Variants in UNC5D observed in about 807,000 individuals in gnomAD.
UNC5D encodes netrin receptor UNC5D.
In UNC5D, 39 loss-of-function variants were observed where a neutral mutation model predicts 105.4. The ratio of observed to expected loss-of-function variants is 0.37; its 90% CI spans 0.29 to 0.48. The LOEUF (loss-of-function observed/expected upper bound fraction) is 0.48. Ranked by LOEUF, UNC5D falls within the 20% of genes least tolerant of loss-of-function variation. The probability of loss-of-function intolerance (pLI) is 0.98; values close to 1 mark genes in which losing one functional copy is unlikely to be tolerated. For synonymous variants in UNC5D, 452 were observed against 450.4 expected (o/e 1.00, Z -0.04); for missense variants, 991 against 1,202.4 (o/e 0.82, Z 2.60).
intron 10 of UNC5D, chr8:35,727,348 G>T (rs1828930454): frequency 6.6e-6 from 1 of 152,238 alleles, no homozygotes; most frequent in Non-Finnish European, 1.5e-5. Flanking sequence ...AAGAGTATCT[G>T]TTGGATCTGT....
chr8:35,462,601 A>G (rs1808982823), intron 1 of UNC5D, among the ~76,000 whole-genome samples: 1 of 152,114 alleles, frequency 6.6e-6, no homozygotes, highest in African/African-American at 2.4e-5. Flanking sequence ...CTCTAACAAT[A>G]ATAATATTAT....
chr8:35,529,967 T>G (rs1176817986), intron 1 of UNC5D, among the ~76,000 whole-genome samples: 83 of 147,828 alleles, frequency 5.6e-4, no homozygotes, highest in African/African-American at 1.6e-3. Flanking sequence ...GGGTTTTCTA[T>G]ATATACAATC....
chr8:35,355,130 T>C (rs558448169), intron 1 of UNC5D, among the ~76,000 whole-genome samples: 4 of 152,264 alleles, frequency 2.6e-5, no homozygotes, highest in African/African-American at 9.6e-5. Flanking sequence ...AGATTCGTTG[T>C]GGCAGGGCAC....
At chr8:35,721,148 T>C (rs1828560611) in intron 8 of UNC5D, among the ~76,000 whole-genome samples, 1 of 152,180 alleles carries the variant, frequency 6.6e-6, no homozygotes, top group South Asian at 2.1e-4. Context: ...GTAATTACTG[T>C]TGGACCCATT....
chr8:35,243,211 G>A lies in UNC5D; in HGVS notation c.103+7324G>A, dbSNP rs1040267831. On this transcript the variant is annotated intron_variant, in intron 1 of 16. Transcript: ENST00000404895. ...TGTTTTTTCTTTTGCAAGCCAGTAT[G>A]AAGTGGAATTCCATGTAAGAATATT... is the stretch of plus-strand genomic sequence containing the variant. 6.6e-5 allele frequency among the ~76,000 whole-genome samples: 10 copies of A among 152,114 alleles called. No individual in the cohort carries two copies. In the East Asian group the frequency reaches 1.9e-3, roughly 29 times the overall value.
chr8:35,537,448 G>A (rs1194736365), intron 1 of UNC5D, among the ~76,000 whole-genome samples: 1 of 152,124 alleles, frequency 6.6e-6, no homozygotes, highest in East Asian at 1.9e-4. Flanking sequence ...GGGAGGCCAA[G>A]GTGAGAGGAT....
At chr8:35,476,219 G>A (rs1810087715) in intron 1 of UNC5D, among the ~76,000 whole-genome samples, 1 of 152,102 alleles carries the variant, frequency 6.6e-6, no homozygotes, top group Admixed American at 6.6e-5. Flanking sequence ...TGACTCTACT[G>A]CAAACAAAAG....
At position 35,312,951 on chromosome 8, in the gene UNC5D, A is replaced by G. The variant is rs1809008824; in HGVS notation, c.103+77064A>G. The stretch of plus-strand genomic sequence containing the variant: ...CGGAGAATTAGCTGCATTAGGATGC[A>G]CTCACATGACCGTTTTGTATCAGAT... On this transcript the variant is annotated intron_variant, in intron 1 of 16. Coordinates refer to ENST00000404895, the MANE Select transcript of UNC5D (RefSeq NM_080872.4). 2.0e-5 allele frequency among the ~76,000 whole-genome samples: 3 copies of G among 152,182 alleles called. No individual in the cohort carries two copies. The South Asian group carries it at 6.2e-4, about 32-fold the overall frequency.
At chr8:35,338,899 C>G (rs10105890) in intron 1 of UNC5D, among the ~76,000 whole-genome samples, 12,957 of 152,170 alleles carry the variant, frequency 0.085, 943 homozygotes, top group African/African-American at 0.2. Context: ...TAATTCCACT[C>G]TAGGTTCCCT....
intron 1 of UNC5D, among the ~76,000 whole-genome samples, chr8:35,314,172 G>T (rs971162991): frequency 1.3e-5 from 2 of 152,130 alleles, no homozygotes; most frequent in South Asian, 2.1e-4. Context: ...AAAAGCAAGC[G>T]ATTCCAAACT....
At chr8:35,706,842 C>A (rs1051002160) in intron 8 of UNC5D, among the ~76,000 whole-genome samples, 1 of 152,072 alleles carries the variant, frequency 6.6e-6, no homozygotes, top group Non-Finnish European at 1.5e-5. Context: ...AATTTGAATT[C>A]CTGGTTGAGG....
At chr8:35,535,467 C>T (rs1423917909) in intron 1 of UNC5D, among the ~76,000 whole-genome samples, 2 of 150,298 alleles carry the variant, frequency 1.3e-5, no homozygotes, top group Non-Finnish European at 3.0e-5. Context: ...TTTTAAGCTC[C>T]GTAAGTCAAA....
chr8:35,378,298 T>C (rs1053758345), intron 1 of UNC5D, among the ~76,000 whole-genome samples: 2 of 152,328 alleles, frequency 1.3e-5, no homozygotes, highest in East Asian at 1.9e-4. Flanking sequence ...GATTCATTTT[T>C]TACTTAGTGT....
chr8:35,672,687 C>A (rs1422643428), intron 4 of UNC5D, among the ~76,000 whole-genome samples: 2 of 152,152 alleles, frequency 1.3e-5, no homozygotes, highest in Admixed American at 6.6e-5. Context: ...TATGTTTCTT[C>A]TGTTTAATGT....
rs530822988 is a variant in UNC5D at position 35,461,362 on chromosome 8, T to C, written c.104-87930T>C. 1.3e-3 allele frequency among the ~76,000 whole-genome samples: 204 copies of C among 152,294 alleles called. 1 individual carries two copies. Among genetic ancestry groups the C allele is most frequent in the African/African-American group, 4.8e-3 (200 of 41,580 alleles). ...ATTGCTTATGTTCGGAATCTCTTAC[T>C]TCTATGCTACACGCGTGTGAAAAAA... On this transcript the variant is annotated intron_variant, in intron 1 of 16. Transcript: ENST00000404895.
At chr8:35,328,290 C>T (rs1810330241) in intron 1 of UNC5D, among the ~76,000 whole-genome samples, 1 of 152,096 alleles carries the variant, frequency 6.6e-6, no homozygotes, top group African/African-American at 2.4e-5. Flanking sequence ...TTCAAAAACT[C>T]ACAGTTGGTA....
chr8:35,658,891 A>G (rs1823942147), intron 4 of UNC5D, among the ~76,000 whole-genome samples: 1 of 152,044 alleles, frequency 6.6e-6, no homozygotes, highest in Non-Finnish European at 1.5e-5. Context: ...TCCTGACCTC[A>G]TGATCCGCCG....
At chr8:35,525,074 C>G in intron 1 of UNC5D, 1 of 1,105,326 alleles carries the variant, frequency 9.0e-7, no homozygotes, top group Non-Finnish European at 1.3e-6. Context: ...TAAGAGCCAA[C>G]AGGACATATA....
At chr8:35,348,241 A>G (rs1444777192) in intron 1 of UNC5D, among the ~76,000 whole-genome samples, 1 of 151,858 alleles carries the variant, frequency 6.6e-6, no homozygotes, top group Non-Finnish European at 1.5e-5. Context: ...AAAAAATTAT[A>G]TATATATTAG....
Sources: gnomAD v4.1 joint callset for allele counts (sites outside exome capture counted in the v4.1 genomes callset) on GRCh38, gnomAD v4.1.1 for gene constraint, MANE v1.5 for transcripts, NCBI Gene and HGNC (gene_info 2026-07-23, HGNC 2026-07-21) for gene names.